Variants in TMEM30A observed in about 807,000 individuals in gnomAD.
TMEM30A encodes the protein cell cycle control protein 50A.
Under a neutral mutation model 38.2 loss-of-function variants are expected in TMEM30A, and 24 were observed. That is an observed-to-expected ratio of 0.63 (90% CI 0.46 to 0.88). The LOEUF (loss-of-function observed/expected upper bound fraction) is 0.88. Among genes scored for constraint, TMEM30A ranks in the 40% least tolerant of loss-of-function variants. The pLI, the probability that TMEM30A is intolerant of heterozygous loss-of-function variation, is 0.00. For missense variants in TMEM30A, 370 were observed against 458.6 expected, an observed-to-expected ratio of 0.81 and a Z score of 1.77; for synonymous variants, 145 against 161.6, an observed-to-expected ratio of 0.90 and a Z score of 0.78.
chr6:75,284,213 G>A (rs1772416393), intron 1 of TMEM30A, 189 bp downstream of exon 1: 1 of 656,498 alleles, frequency 1.5e-6, no homozygotes, highest in Non-Finnish European at 2.7e-6. Flanking sequence ...ACAAAGCTAG[G>A]ACAAACCTGC....
intron 2 of TMEM30A, among the ~76,000 whole-genome samples, chr6:75,266,447 T>C (rs1398412689): frequency 6.6e-6 from 1 of 152,206 alleles, no homozygotes; most frequent in Non-Finnish European, 1.5e-5. Flanking sequence ...TTCAGTACAG[T>C]AAATTCAATT....
intron 1 of TMEM30A, among the ~76,000 whole-genome samples, chr6:75,268,624 A>G (rs556904641): frequency 6.6e-6 from 1 of 152,304 alleles, no homozygotes; most frequent in South Asian, 2.1e-4. Flanking sequence ...AGACCTTGCT[A>G]TATGTGTCTT....
intron 1 of TMEM30A, among the ~76,000 whole-genome samples, chr6:75,277,328 T>C (rs1169653854): frequency 1.7e-5 from 2 of 121,036 alleles, no homozygotes; most frequent in East Asian, 4.7e-4. Context: ...AAAAAAAAAA[T>C]GGAGAGAATA....
Position 75,255,844 on chromosome 6 carries a change from G to T in TMEM30A, c.*258C>A. 1 of 323,682 alleles carries T rather than the reference G, an allele frequency of 3.1e-6. No individual in the cohort carries two copies. The highest frequency in any genetic ancestry group is 5.7e-6 in the Non-Finnish European group (1 of 176,050). The allele number at this position is 323,682 out of a possible 1,614,324, so 20.1% of individuals were successfully genotyped here. On this transcript the variant is annotated 3_prime_UTR_variant, in exon 7 of 7. Coordinates refer to ENST00000230461, the MANE Select transcript of TMEM30A (RefSeq NM_018247.4). Reference sequence around the variant, plus strand: ...GCTCTATGCATCATGTGGCCTGTCCGAATAAAAAGCAAACATTAGAATGCC... The same window carrying T: ...GCTCTATGCATCATGTGGCCTGTCCTAATAAAAAGCAAACATTAGAATGCC...
intron 1 of TMEM30A, among the ~76,000 whole-genome samples, chr6:75,274,812 AG>A (rs1029528820): frequency 1.3e-5 from 2 of 152,078 alleles, no homozygotes; most frequent in African/African-American, 4.8e-5. Context: ...TCATGAGGTC[AG>A]GAGATCGAGA....
chr6:75,281,164 A>G (rs1772351380), intron 1 of TMEM30A, among the ~76,000 whole-genome samples: 1 of 152,130 alleles, frequency 6.6e-6, no homozygotes, highest in African/African-American at 2.4e-5. Flanking sequence ...TCTGAATAAC[A>G]ACCTAATCTG....
chr6:75,258,302 T>C (rs559016879), intron 6 of TMEM30A, among the ~76,000 whole-genome samples: 3 of 152,302 alleles, frequency 2.0e-5, no homozygotes, highest in South Asian at 4.1e-4. Flanking sequence ...AACTTATTAA[T>C]ATGGAACAAT....
At chr6:75,258,453 T>G (rs1245552366) in intron 6 of TMEM30A, among the ~76,000 whole-genome samples, 2 of 152,114 alleles carry the variant, frequency 1.3e-5, no homozygotes. Context: ...AACACCCAAT[T>G]TTAGGTACTC....
chr6:75,256,361 G>C, intron 6 of TMEM30A, 66 bp from the exon 7 acceptor site: 1 of 1,433,112 alleles, frequency 7.0e-7, no homozygotes, highest in Non-Finnish European at 9.5e-7. Context: ...AATTTTAAAA[G>C]TTGCCATTTA....
chr6:75,277,956 G>A (rs1016822553), intron 1 of TMEM30A, among the ~76,000 whole-genome samples: 2 of 151,966 alleles, frequency 1.3e-5, no homozygotes, highest in Non-Finnish European at 2.9e-5. Context: ...GTTTTTTAAG[G>A]AGAAACCAAA....
At chr6:75,268,970 C>G (rs776405598) in intron 1 of TMEM30A, among the ~76,000 whole-genome samples, 18 of 151,878 alleles carry the variant, frequency 1.2e-4, no homozygotes, top group Non-Finnish European at 2.1e-4. Context: ...AATTGAAAGG[C>G]TTTTTTTTCC....
intron 2 of TMEM30A, among the ~76,000 whole-genome samples, chr6:75,265,676 C>T (rs1159026005): frequency 6.6e-6 from 1 of 152,098 alleles, no homozygotes; most frequent in Non-Finnish European, 1.5e-5. Flanking sequence ...CTGGTCTTCA[C>T]CCAGTTAGCA....
intron 3 of TMEM30A, among the ~76,000 whole-genome samples, chr6:75,263,914 T>C (rs565505593): frequency 6.6e-6 from 1 of 152,286 alleles, no homozygotes; most frequent in East Asian, 1.9e-4. Context: ...AATAAAATAA[T>C]TGTAAATCAG....
intron 1 of TMEM30A, among the ~76,000 whole-genome samples, chr6:75,270,093 T>C (rs1772140196): frequency 6.6e-6 from 1 of 152,174 alleles, no homozygotes; most frequent in Non-Finnish European, 1.5e-5. Context: ...TGTAAGTCAC[T>C]GCGCCCAGCT....
intron 3 of TMEM30A, among the ~76,000 whole-genome samples, chr6:75,265,019 C>T (rs1157430746): frequency 6.6e-6 from 1 of 151,856 alleles, no homozygotes; most frequent in Non-Finnish European, 1.5e-5. Flanking sequence ...ATTGCTTGAA[C>T]CTGGGGGGTG....
At position 75,284,444 on chromosome 6, in the gene TMEM30A, G is replaced by A. The variant is rs368385341; in HGVS notation, c.195C>T (p.Gly65=). 2.5e-6 allele frequency: 4 copies of A among 1,614,012 alleles called. No individual in the cohort carries two copies. In the African/African-American group the frequency reaches 5.3e-5, roughly 22 times the overall value. ...TGTTGGAGGTGACAAAAATGCCAAT[G>A]CCGATGGGAATGAAGATGAGACCGA... ...FIIGLIFIPI[G]IGIFVTSNNI... Residue 65 remains glycine (G), a synonymous_variant, in exon 1 of 7, where the codon GGC becomes GGT. Coordinates refer to ENST00000230461, the MANE Select transcript of TMEM30A (RefSeq NM_018247.4).
intron 1 of TMEM30A, among the ~76,000 whole-genome samples, chr6:75,276,773 A>C (rs1048632168): frequency 6.6e-6 from 1 of 152,192 alleles, no homozygotes; most frequent in Non-Finnish European, 1.5e-5. Context: ...GAGAAGCCAA[A>C]GTTCTTATAG....
Position 75,253,577 on chromosome 6 carries a change from A to ACAAG in TMEM30A, c.*2524_*2525insCTTG, listed in dbSNP as rs1771818615. On this transcript the variant is annotated 3_prime_UTR_variant, in exon 7 of 7. Transcript: ENST00000230461. ...TAAATGTAAGCAACAACACTGGAGCATTGTTATTTTATCAAGACACCTGAA... is the reference window on the plus strand; with the variant it reads ...TAAATGTAAGCAACAACACTGGAGCACAAGTTGTTATTTTATCAAGACACCTGAA... 6.6e-6 allele frequency: 1 copy of ACAAG among 152,600 alleles called. No homozygotes were observed. The highest frequency in any genetic ancestry group is 1.5e-5 in the Non-Finnish European group (1 of 68,012). 9.5% of individuals were successfully genotyped at this position (152,600 alleles called of 1,614,324 possible).
chr6:75,283,014 G>A (rs1772384824), intron 1 of TMEM30A, among the ~76,000 whole-genome samples: 2 of 152,080 alleles, frequency 1.3e-5, no homozygotes, highest in East Asian at 3.9e-4. Flanking sequence ...GACTATTAGG[G>A]AGATTAAGGT....
Sources: gnomAD v4.1 joint callset for allele counts (sites outside exome capture counted in the v4.1 genomes callset) on GRCh38, gnomAD v4.1.1 for gene constraint, MANE v1.5 for transcripts, NCBI Gene and HGNC (gene_info 2026-07-23, HGNC 2026-07-21) for gene names.